COPG2: variants seen among roughly 807,000 people sequenced by gnomAD.
The protein encoded by COPG2 is coat protein complex I subunit gamma 2.
In COPG2, 37 loss-of-function variants were observed where a neutral mutation model predicts 46.3. The observed-to-expected ratio is 0.80, with a 90% CI of 0.61 to 1.05. COPG2 has a LOEUF of 1.05. Ranked by LOEUF, COPG2 falls within the 50% of genes least tolerant of loss-of-function variation. The probability of loss-of-function intolerance (pLI) is 0.00; values close to 1 mark genes in which losing one functional copy is unlikely to be tolerated. For synonymous variants in COPG2, 159 were observed against 129.7 expected (o/e 1.23, Z -1.53); for missense variants, 427 against 387.8 (o/e 1.10, Z -0.85).
chr7:130,540,027 G>A (rs1220527042), intron 20 of COPG2, among the ~76,000 whole-genome samples: 1 of 144,108 alleles, frequency 6.9e-6, no homozygotes, highest in Non-Finnish European at 1.5e-5. Context: ...ATGCAGTGGG[G>A]AAGGGTGGGT....
intron 20 of COPG2, among the ~76,000 whole-genome samples, chr7:130,517,402 G>C (rs1333576617): frequency 6.6e-6 from 1 of 152,148 alleles, no homozygotes; most frequent in Non-Finnish European, 1.5e-5. Flanking sequence ...GGTAATGAAT[G>C]GTGCATCTAA....
At position 130,551,316 on chromosome 7, in the gene COPG2, G is replaced by A. The variant is rs910695210; in HGVS notation, c.1573C>T (p.Arg525Ter). The A allele has an allele frequency of 7.5e-6, 3 of 398,324 alleles. No individual in the cohort carries two copies. Among genetic ancestry groups the A allele is most frequent in the African/African-American group, 2.1e-5 (1 of 48,578 alleles). 24.7% of individuals were successfully genotyped at this position (398,324 alleles called of 1,614,324 possible). A position where few individuals can be genotyped will look rare whatever the true frequency, so the allele number is the denominator to read the frequency against. The change falls in exon 16 of 24, where the codon CGA (arginine) becomes TGA (stop). Residue 525 changes from arginine (R) to a stop codon, truncating the protein, a stop_gained. Coordinates refer to ENST00000425248, the MANE Select transcript of COPG2 (RefSeq NM_012133.6). LOFTEE classifies it high-confidence loss of function. ...RCMMDTDDEV[R>*]DRATFYLNVL... The stretch of plus-strand genomic sequence containing the variant: ...TTCAGATAGAAGGTAGCTCTGTCTC[G>A]TACCTCGTCATCAGTATCCATCATA...
chr7:130,557,839 T>A (rs1384552431), intron 12 of COPG2, among the ~76,000 whole-genome samples: 92,529 of 94,028 alleles, frequency 0.98, 45,742 homozygotes, highest in Non-Finnish European at 0.99. Flanking sequence ...AAAAAAAAAA[T>A]CATGCAAGAA....
intron 9 of COPG2, among the ~76,000 whole-genome samples, chr7:130,566,040 C>T (rs1298050416): frequency 6.6e-6 from 1 of 152,062 alleles, no homozygotes; most frequent in East Asian, 1.9e-4. Flanking sequence ...GAAACCATGG[C>T]TGAAAACCTC....
Position 130,508,612 on chromosome 7 carries a change from C to T in COPG2, c.2197G>A (p.Asp733Asn), listed in dbSNP as rs1249158883. Residue 733 changes from aspartate (D) to asparagine (N), a missense_variant, in exon 21 of 24, where the codon GAC (aspartate) becomes AAC (asparagine). Transcript: ENST00000425248. ...TCATCTGGAACTCCAGTGTTAGGGT[C>T]ACAGTCCCGGACTGTAAACTTCATG... ...CTMKFTVRDCDPNTGVPDEDG... is the reference protein window; with the variant it reads ...CTMKFTVRDCNPNTGVPDEDG... The T allele has an allele frequency of 1.3e-6, 1 of 776,286 alleles. No homozygotes were observed. The highest frequency in any genetic ancestry group is 2.4e-6 in the Non-Finnish European group (1 of 416,284). 48.1% of individuals were successfully genotyped at this position (776,286 alleles called of 1,614,324 possible). A position where few individuals can be genotyped will look rare whatever the true frequency, so the allele number is the denominator to read the frequency against.
intron 5 of COPG2, among the ~76,000 whole-genome samples, chr7:130,627,678 G>T (rs1554454459): frequency 6.7e-6 from 1 of 150,054 alleles, no homozygotes; most frequent in South Asian, 2.1e-4. Context: ...TCTAGTTGTT[G>T]TTCCTGCCTG....
intron 15 of COPG2, 54 bp downstream of exon 15, chr7:130,552,301 G>A (rs1793543937): frequency 7.5e-6 from 3 of 397,456 alleles, no homozygotes; most frequent in African/African-American, 6.2e-5. Context: ...GGATTTCACT[G>A]TTTAACCATA....
intron 20 of COPG2, among the ~76,000 whole-genome samples, chr7:130,517,773 G>T (rs1799691434): frequency 6.6e-6 from 1 of 152,226 alleles, no homozygotes; most frequent in South Asian, 2.1e-4. Context: ...AAGAAGAAAG[G>T]ATTTTTCATC....
chr7:130,589,402 G>A (rs1479589276), intron 9 of COPG2, among the ~76,000 whole-genome samples: 1 of 151,524 alleles, frequency 6.6e-6, no homozygotes, highest in Non-Finnish European at 1.5e-5. Flanking sequence ...TCCCACCTTA[G>A]CCTCCCAAGT....
At chr7:130,569,974 A>C (rs1793868009) in intron 9 of COPG2, among the ~76,000 whole-genome samples, 1 of 152,226 alleles carries the variant, frequency 6.6e-6, no homozygotes, top group Non-Finnish European at 1.5e-5. Flanking sequence ...ATTTCAATGG[A>C]TGCCAAAAAA....
chr7:130,652,128 GTTGT>G (rs1419074147), intron 5 of COPG2, among the ~76,000 whole-genome samples: 1 of 152,192 alleles, frequency 6.6e-6, no homozygotes, highest in African/African-American at 2.4e-5. Context: ...AGACACGTAA[GTTGT>G]TTGTCCTTTT....
At chr7:130,516,866 TAA>T (rs1198109108) in intron 20 of COPG2, among the ~76,000 whole-genome samples, 1 of 152,002 alleles carries the variant, frequency 6.6e-6, no homozygotes, top group Non-Finnish European at 1.5e-5. Flanking sequence ...GGGATGGGCA[TAA>T]AGGGCAGGCC....
At chr7:130,579,929 A>T (rs1794099440) in intron 9 of COPG2, among the ~76,000 whole-genome samples, 2 of 151,732 alleles carry the variant, frequency 1.3e-5, no homozygotes, top group South Asian at 4.2e-4. Context: ...AACATTAGAC[A>T]GATCAACGAG....
intron 5 of COPG2, among the ~76,000 whole-genome samples, chr7:130,632,925 T>G (rs1795259073): frequency 6.6e-6 from 1 of 151,970 alleles, no homozygotes; most frequent in Non-Finnish European, 1.5e-5. Context: ...CCCCGGTGTG[T>G]GATGTTCCTC....
chr7:130,588,360 A>G (rs1417938800), intron 9 of COPG2, among the ~76,000 whole-genome samples: 2 of 151,866 alleles, frequency 1.3e-5, no homozygotes, highest in Non-Finnish European at 2.9e-5. Context: ...TGTTTATTGC[A>G]GCATTATTCA....
In COPG2 at chr7:130,557,826, A is replaced by AAAAAAAAC. The variant is rs1399301047; in HGVS notation, c.1129-2695_1129-2694insGTTTTTTT. On this transcript the variant is annotated intron_variant, in intron 12 of 23. Transcript: ENST00000425248. ...GAATGAAACTCCATCTCAAAAAAAAAAAAAAAAAAAAATCATGCAAGAATA... is the reference window on the plus strand; with the variant it reads ...GAATGAAACTCCATCTCAAAAAAAAAAAAAAAACAAAAAAAAAAAATCATGCAAGAATA... Among the ~76,000 whole-genome samples, 38 of 147,364 alleles carry AAAAAAAAC rather than the reference A, an allele frequency of 2.6e-4. 3 individuals are homozygous for AAAAAAAAC. The highest frequency in any genetic ancestry group is 9.2e-4 in the African/African-American group (37 of 40,390).
At chr7:130,539,271 G>C (rs1424574141) in intron 20 of COPG2, among the ~76,000 whole-genome samples, 6 of 152,074 alleles carry the variant, frequency 3.9e-5, no homozygotes, top group African/African-American at 1.4e-4. Flanking sequence ...TGGAGATGAA[G>C]AAAGGAGGAA....
At chr7:130,630,502 T>C (rs1381118264) in intron 5 of COPG2, among the ~76,000 whole-genome samples, 1 of 152,240 alleles carries the variant, frequency 6.6e-6, no homozygotes, top group Non-Finnish European at 1.5e-5. Flanking sequence ...GAGTCTCAGT[T>C]TTCTTGTTCA....
At chr7:130,588,215 A>C (rs1554448373) in intron 9 of COPG2, among the ~76,000 whole-genome samples, 1 of 151,950 alleles carries the variant, frequency 6.6e-6, no homozygotes, top group Non-Finnish European at 1.5e-5. Flanking sequence ...AAACTAGTTC[A>C]ACCATTGTGG....
Sources: gnomAD v4.1 joint callset for allele counts (sites outside exome capture counted in the v4.1 genomes callset) on GRCh38, gnomAD v4.1.1 for gene constraint, MANE v1.5 for transcripts, NCBI Gene and HGNC (gene_info 2026-07-23, HGNC 2026-07-21) for gene names.